The following ADGRL3 variants were observed in gnomAD, a reference collection of about 807,000 sequenced individuals.
The protein encoded by ADGRL3 is adhesion G protein-coupled receptor L3.
A neutral mutation model predicts 153.5 loss-of-function variants in ADGRL3; 62 were observed. The ratio of observed to expected loss-of-function variants is 0.40; its 90% CI spans 0.33 to 0.50. The LOEUF is 0.50. ADGRL3 is among the 20% of genes least tolerant of loss of function. ADGRL3 has a pLI of 0.47. For missense variants in ADGRL3, 1,641 were observed against 1,859.4 expected, an observed-to-expected ratio of 0.88 and a Z score of 2.16; for synonymous variants, 710 against 672.5, an observed-to-expected ratio of 1.06 and a Z score of -0.86.
At chr4:61,912,826 C>A (rs1222191422) in intron 13 of ADGRL3, 69 bp downstream of exon 13, 2 of 1,372,770 alleles carry the variant, frequency 1.5e-6, no homozygotes, top group Admixed American at 1.7e-5. Flanking sequence ...TGAATGGACA[C>A]CTGATAGAAA....
chr4:61,440,962 G>A (rs978940591), intron 2 of ADGRL3, among the ~76,000 whole-genome samples: 3 of 152,112 alleles, frequency 2.0e-5, no homozygotes, highest in Admixed American at 6.5e-5. Flanking sequence ...TTGTAACTAT[G>A]AAGTGGCAGA....
intron 5 of ADGRL3, among the ~76,000 whole-genome samples, chr4:61,611,588 T>C (rs2091355465): frequency 6.6e-6 from 1 of 152,102 alleles, no homozygotes. Flanking sequence ...TAAATATCTT[T>C]TTTTACATTT....
At position 62,076,324 on chromosome 4, in the gene ADGRL3, T is replaced by G. The variant is rs1336061606; in HGVS notation, c.*5416T>G. 6.6e-6 allele frequency: 1 copy of G among 152,110 alleles called. No homozygotes were observed. The highest frequency in any genetic ancestry group is 1.5e-5 in the Non-Finnish European group (1 of 67,970). 9.4% of individuals were successfully genotyped at this position (152,110 alleles called of 1,614,324 possible). On this transcript the variant is annotated 3_prime_UTR_variant, in exon 27 of 27. Coordinates refer to ENST00000683033, the MANE Select transcript of ADGRL3 (RefSeq NM_001387552.1). The stretch of plus-strand genomic sequence containing the variant: ...ATAATTTGTGTCCCGTTACAGTATT[T>G]CAAAGGTAAATGCAAACTAATTTTT...
At chr4:61,781,404 T>G (rs981053613) in intron 8 of ADGRL3, among the ~76,000 whole-genome samples, 5 of 151,942 alleles carry the variant, frequency 3.3e-5, no homozygotes, top group Non-Finnish European at 7.4e-5. Context: ...AATAAGTACT[T>G]TTAAGAGAAA....
chr4:61,983,545 G>A lies in ADGRL3; in HGVS notation c.3178G>A (p.Ala1060Thr). Residue 1060 changes from alanine (A) to threonine (T), a missense_variant, in exon 19 of 27, where the codon GCA (alanine) becomes ACA (threonine). This residue lies in a region of ADGRL3 where 32 missense variants were observed against 66.2 expected (regional missense o/e 0.48). Coordinates refer to ENST00000683033, the MANE Select transcript of ADGRL3 (RefSeq NM_001387552.1). ...YFYLVGYGMPALIVAVSAAVD... is the reference protein window; with the variant it reads ...YFYLVGYGMPTLIVAVSAAVD... Reference sequence around the variant, plus strand: ...TTATCTGGTCGGCTATGGGATGCCTGCACTCATTGTGGCTGTGTCAGCTGC... The same window carrying A: ...TTATCTGGTCGGCTATGGGATGCCTACACTCATTGTGGCTGTGTCAGCTGC... The A allele has an allele frequency of 6.2e-7, 1 of 1,613,940 alleles. No individual in the cohort carries two copies. Among genetic ancestry groups the A allele is most frequent in the Non-Finnish European group, 8.5e-7 (1 of 1,179,858 alleles).
intron 1 of ADGRL3, among the ~76,000 whole-genome samples, chr4:61,370,369 T>C (rs1410558522): frequency 6.6e-6 from 1 of 151,624 alleles, no homozygotes; most frequent in Non-Finnish European, 1.5e-5. Context: ...GGGCATGTAG[T>C]GCTATAAATT....
intron 1 of ADGRL3, among the ~76,000 whole-genome samples, chr4:61,205,540 C>G (rs1250608439): frequency 6.6e-6 from 1 of 152,136 alleles, no homozygotes; most frequent in Non-Finnish European, 1.5e-5. Flanking sequence ...AAGAATACAG[C>G]TGTATTGTAA....
rs189474331 is a variant in ADGRL3, at chr4:61,479,456, A to G, written c.-173-17665A>G. The stretch of plus-strand genomic sequence containing the variant: ...GGGATGTAAAGCCTTCCTTAGATCT[A>G]TAAAAGTACCCAATATAGGGTCTCT... On this transcript the variant is annotated intron_variant, in intron 2 of 26. Coordinates refer to ENST00000683033, the MANE Select transcript of ADGRL3 (RefSeq NM_001387552.1). 1.1e-3 allele frequency among the ~76,000 whole-genome samples: 169 copies of G among 152,238 alleles called. 1 individual carries two copies. The highest frequency in any genetic ancestry group is 2.1e-3 in the Non-Finnish European group (141 of 67,954).
At chr4:61,409,420 T>TTA (rs2097056593) in intron 2 of ADGRL3, among the ~76,000 whole-genome samples, 2 of 142,906 alleles carry the variant, frequency 1.4e-5, no homozygotes, top group South Asian at 4.3e-4. Flanking sequence ...TATATATATA[T>TTA]TATATATATG....
chr4:61,477,525 T>A (rs1399643344), intron 2 of ADGRL3, among the ~76,000 whole-genome samples: 1 of 152,196 alleles, frequency 6.6e-6, no homozygotes, highest in Non-Finnish European at 1.5e-5. Flanking sequence ...TAACTGTATA[T>A]GCTTTAGCTC....
intron 5 of ADGRL3, among the ~76,000 whole-genome samples, chr4:61,637,494 T>A (rs907549729): frequency 6.6e-6 from 1 of 152,200 alleles, no homozygotes; most frequent in Admixed American, 6.5e-5. Flanking sequence ...CCTGGCGTGG[T>A]GACTTACACC....
chr4:61,813,691 CTTTAA>C (rs1365207481), intron 8 of ADGRL3, 113 bp from the exon 9 acceptor site: 29 of 1,209,270 alleles, frequency 2.4e-5, no homozygotes, highest in East Asian at 5.2e-5. Context: ...TATGTCTACT[CTTTAA>C]TTTAGGCTAT....
chr4:61,240,426 A>C (rs1392146025), intron 1 of ADGRL3, among the ~76,000 whole-genome samples: 1 of 152,136 alleles, frequency 6.6e-6, no homozygotes, highest in Non-Finnish European at 1.5e-5. Context: ...AGGATCTTGC[A>C]AGATTTCATT....
At chr4:61,248,576 G>T (rs1380454156) in intron 1 of ADGRL3, among the ~76,000 whole-genome samples, 2 of 152,120 alleles carry the variant, frequency 1.3e-5, no homozygotes, top group African/African-American at 2.4e-5. Flanking sequence ...GGATGAAATG[G>T]TTAATGGCTA....
At chr4:61,413,686 A>G (rs1342503207) in intron 2 of ADGRL3, among the ~76,000 whole-genome samples, 1 of 152,078 alleles carries the variant, frequency 6.6e-6, no homozygotes, top group African/African-American at 2.4e-5. Context: ...TTTTCGGTCT[A>G]TATCTGTTGG....
intron 1 of ADGRL3, among the ~76,000 whole-genome samples, chr4:61,271,394 T>G (rs2093171243): frequency 6.6e-6 from 1 of 151,986 alleles, no homozygotes. Flanking sequence ...TTAAGATTTC[T>G]TAGTACTTTA....
intron 2 of ADGRL3, among the ~76,000 whole-genome samples, chr4:61,389,097 A>G (rs983502703): frequency 6.6e-6 from 1 of 152,012 alleles, no homozygotes; most frequent in East Asian, 1.9e-4. Flanking sequence ...ATGGATTTGT[A>G]TATTAGAAAG....
chr4:61,960,050 A>G lies in ADGRL3; in HGVS notation c.2805+11774A>G, dbSNP rs1016362226. ...AAAATATAGAAAATTTCTTGAAAAG[A>G]AACTGGTTTCAAAAACGTAAGATTT... On this transcript the variant is annotated intron_variant, in intron 17 of 26. Transcript: ENST00000683033. 5.3e-5 allele frequency among the ~76,000 whole-genome samples: 8 copies of G among 152,370 alleles called. No individual in the cohort carries two copies. The South Asian group carries it at 8.3e-4, about 16-fold the overall frequency.
chr4:61,535,954 T>C (rs2098653281), intron 4 of ADGRL3, among the ~76,000 whole-genome samples: 1 of 152,086 alleles, frequency 6.6e-6, no homozygotes, highest in African/African-American at 2.4e-5. Flanking sequence ...GTTTGGTTTG[T>C]TCTTATTTTT....
Sources: gnomAD v4.1 joint callset for allele counts (sites outside exome capture counted in the v4.1 genomes callset) on GRCh38, gnomAD v4.1.1 for gene constraint, gnomAD v4.1.1 regional missense constraint, MANE v1.5 for transcripts, NCBI Gene and HGNC (gene_info 2026-07-23, HGNC 2026-07-21) for gene names.